PDE4B: variants seen among roughly 807,000 people sequenced by gnomAD.
PDE4B encodes 3',5'-cyclic-AMP phosphodiesterase 4B.
In PDE4B, 20 loss-of-function variants were observed where a neutral mutation model predicts 82.2. The ratio of observed to expected loss-of-function variants is 0.24; its 90% CI spans 0.17 to 0.35. PDE4B has a LOEUF of 0.35. Among genes scored for constraint, PDE4B ranks in the 10% least tolerant of loss-of-function variants. PDE4B has a pLI of 1.00. For synonymous variants in PDE4B, 320 were observed against 318.9 expected (o/e 1.00, Z -0.04); for missense variants, 655 against 907.2 (o/e 0.72, Z 3.57).
At chr1:66,129,696 A>AC (rs1266303994) in intron 3 of PDE4B, among the ~76,000 whole-genome samples, 61 of 73,686 alleles carry the variant, frequency 8.3e-4, no homozygotes, top group Non-Finnish European at 1.5e-3. Context: ...AAACAAAAAA[A>AC]CAAAAAAAAA....
At chr1:66,072,236 A>G (rs1200403838) in intron 3 of PDE4B, among the ~76,000 whole-genome samples, 1 of 152,112 alleles carries the variant, frequency 6.6e-6, no homozygotes. Flanking sequence ...CATTGAAGTA[A>G]AAGAGTGGTG....
intron 3 of PDE4B, among the ~76,000 whole-genome samples, chr1:66,182,712 G>A (rs1008332292): frequency 1.5e-4 from 23 of 152,128 alleles, no homozygotes; most frequent in African/African-American, 4.6e-4. Context: ...CCCCATTGAC[G>A]TCATTGGGAG....
chr1:66,096,519 T>TATATATAC, intron 3 of PDE4B, among the ~76,000 whole-genome samples: 1 of 138,788 alleles, frequency 7.2e-6, no homozygotes, highest in South Asian at 2.3e-4. Flanking sequence ...TATATATATA[T>TATATATAC]ATATATATAT....
chr1:65,942,771 G>A (rs937090487), intron 3 of PDE4B, among the ~76,000 whole-genome samples: 3 of 151,950 alleles, frequency 2.0e-5, no homozygotes, highest in Non-Finnish European at 2.9e-5. Context: ...TTTCTCTGAT[G>A]ATTAGTGATG....
At chr1:65,941,033 T>C (rs1474807398) in intron 3 of PDE4B, among the ~76,000 whole-genome samples, 1 of 152,010 alleles carries the variant, frequency 6.6e-6, no homozygotes, top group Non-Finnish European at 1.5e-5. Flanking sequence ...AAAAATATAA[T>C]GTTGCAGATA....
At chr1:65,923,044 C>G (rs1352166326) in intron 3 of PDE4B, among the ~76,000 whole-genome samples, 1 of 151,834 alleles carries the variant, frequency 6.6e-6, no homozygotes, top group African/African-American at 2.4e-5. Flanking sequence ...GTTTCCTGCT[C>G]TTGTAAACTG....
intron 3 of PDE4B, among the ~76,000 whole-genome samples, chr1:66,080,738 TTTTTC>T (rs1488422998): frequency 6.6e-6 from 1 of 152,092 alleles, no homozygotes; most frequent in African/African-American, 2.4e-5. Context: ...ATTAAATGTA[TTTTTC>T]TTTTCTTCTT....
chr1:66,329,591 A>C (rs1042074515), intron 7 of PDE4B, among the ~76,000 whole-genome samples: 1 of 152,010 alleles, frequency 6.6e-6, no homozygotes, highest in Non-Finnish European at 1.5e-5. Flanking sequence ...ACTCTTTTCT[A>C]CCCTTCAATG....
chr1:66,050,874 A>G (rs2455013), intron 3 of PDE4B, among the ~76,000 whole-genome samples: 145,361 of 152,122 alleles, frequency 0.96, 69,477 homozygotes, highest in East Asian at 0.98. Flanking sequence ...AAAATGAGGA[A>G]GGGAAAAGCA....
At chr1:66,298,704 CTT>C (rs958146507) in intron 7 of PDE4B, among the ~76,000 whole-genome samples, 2 of 152,190 alleles carry the variant, frequency 1.3e-5, no homozygotes, top group Admixed American at 6.5e-5. Context: ...CACTTGACAT[CTT>C]TTTTAGTTTT....
At chr1:66,107,686 T>A (rs908323299) in intron 3 of PDE4B, among the ~76,000 whole-genome samples, 4 of 152,018 alleles carry the variant, frequency 2.6e-5, no homozygotes, top group Non-Finnish European at 5.9e-5. Flanking sequence ...TTTTTCCCTT[T>A]AGGAGCTTTC....
At chr1:66,118,181 G>A (rs527934801) in intron 3 of PDE4B, among the ~76,000 whole-genome samples, 11 of 151,992 alleles carry the variant, frequency 7.2e-5, no homozygotes. Context: ...TTGTAATCTA[G>A]AACTAGAAAT....
At chr1:65,838,367 A>G (rs1646165412) in intron 1 of PDE4B, among the ~76,000 whole-genome samples, 1 of 151,908 alleles carries the variant, frequency 6.6e-6, no homozygotes. Context: ...TAGTAGAAAC[A>G]CACTTTCAAG....
chr1:66,291,285 A>T (rs1390471687), intron 7 of PDE4B, among the ~76,000 whole-genome samples: 1 of 152,108 alleles, frequency 6.6e-6, no homozygotes, highest in Non-Finnish European at 1.5e-5. Context: ...AATTTTTCTC[A>T]GACCAAGAAG....
At chr1:66,371,079 TAC>T (rs1225883684) in intron 16 of PDE4B, among the ~76,000 whole-genome samples, 29 of 96,658 alleles carry the variant, frequency 3.0e-4, no homozygotes, top group African/African-American at 1.0e-3. Context: ...TATATATATA[TAC>T]ACACACATCA....
At chr1:65,980,088 A>C (rs1650608135) in intron 3 of PDE4B, among the ~76,000 whole-genome samples, 1 of 152,198 alleles carries the variant, frequency 6.6e-6, no homozygotes, top group Non-Finnish European at 1.5e-5. Context: ...GTGAGTCGCC[A>C]TGAGACGGGT....
chr1:66,328,652 G>A (rs1659900141), intron 7 of PDE4B, among the ~76,000 whole-genome samples: 1 of 152,214 alleles, frequency 6.6e-6, no homozygotes, highest in African/African-American at 2.4e-5. Flanking sequence ...CCCTGGACAA[G>A]ATCCTAACCA....
intron 8 of PDE4B, chr1:66,354,510 C>T (rs1359293879): frequency 2.0e-5 from 21 of 1,070,316 alleles, no homozygotes; most frequent in Admixed American, 5.1e-5. Context: ...GAAACCCCTT[C>T]GGCCACCAGG....
At chr1:65,963,412 A>G (rs1351179391) in intron 3 of PDE4B, among the ~76,000 whole-genome samples, 3 of 152,144 alleles carry the variant, frequency 2.0e-5, no homozygotes, top group Admixed American at 6.5e-5. Flanking sequence ...GTAAATGCCT[A>G]CTGCATTAAT....
Sources: gnomAD v4.1 joint callset for allele counts (sites outside exome capture counted in the v4.1 genomes callset) on GRCh38, gnomAD v4.1.1 for gene constraint, MANE v1.5 for transcripts, NCBI Gene and HGNC (gene_info 2026-07-23, HGNC 2026-07-21) for gene names.